Variants in ANXA3 observed in about 807,000 individuals in gnomAD.
ANXA3 encodes annexin A3.
Under a neutral mutation model 48.8 loss-of-function variants are expected in ANXA3, and 46 were observed. That is an observed-to-expected ratio of 0.94 (90% CI 0.74 to 1.21). The LOEUF (loss-of-function observed/expected upper bound fraction) is 1.21. ANXA3 is among the 50% of genes most tolerant of loss of function. The pLI, the probability that ANXA3 is intolerant of heterozygous loss-of-function variation, is 0.00. For missense variants in ANXA3, 383 were observed against 378.6 expected (o/e 1.01, Z -0.10); for synonymous variants, 128 against 134.7 (o/e 0.95, Z 0.35).
chr4:78,559,317 A>T (rs1030357112), intron 2 of ANXA3, among the ~76,000 whole-genome samples: 4 of 152,178 alleles, frequency 2.6e-5, no homozygotes, highest in African/African-American at 9.7e-5. Context: ...TCCTGAGCTC[A>T]GCTGATCCAC....
chr4:78,578,298 C>CGAGAGTGTGAGAGAGAGA (rs1451574068), intron 3 of ANXA3, among the ~76,000 whole-genome samples: 1 of 46,506 alleles, frequency 2.2e-5, no homozygotes, highest in Non-Finnish European at 4.2e-5. Context: ...AGAGAGAGAG[C>CGAGAGTGTGAGAGAGAGA]GAGAGAGAGA....
intron 1 of ANXA3, 56 bp from the exon 2 acceptor site, chr4:78,554,380 T>C (rs1237880879): frequency 1.3e-5 from 16 of 1,212,998 alleles, no homozygotes; most frequent in Non-Finnish European, 1.8e-5. Flanking sequence ...TGGACTAAGA[T>C]TATTGTGTTC....
intron 10 of ANXA3, among the ~76,000 whole-genome samples, chr4:78,598,633 A>G (rs2109947552): frequency 6.6e-6 from 1 of 151,986 alleles, no homozygotes; most frequent in South Asian, 2.1e-4. Context: ...TCCGCCTTCC[A>G]GGTTCAAGCA....
intron 2 of ANXA3, among the ~76,000 whole-genome samples, chr4:78,559,062 G>A (rs1722573134): frequency 6.6e-6 from 1 of 151,886 alleles, no homozygotes; most frequent in South Asian, 2.1e-4. Context: ...TTTTATTATG[G>A]TACTAGAATT....
At chr4:78,585,071 T>C (rs1362375643) in intron 5 of ANXA3, among the ~76,000 whole-genome samples, 5 of 152,216 alleles carry the variant, frequency 3.3e-5, no homozygotes, top group African/African-American at 9.6e-5. Context: ...ATGACCTCAG[T>C]GTGAACTTTG....
chr4:78,562,488 A>G (rs925023025), intron 2 of ANXA3, among the ~76,000 whole-genome samples: 2 of 152,240 alleles, frequency 1.3e-5, no homozygotes, highest in African/African-American at 4.8e-5. Flanking sequence ...AATTTTTACC[A>G]TATGGCATGG....
chr4:78,567,082 G>A (rs1722747105), intron 2 of ANXA3, among the ~76,000 whole-genome samples: 1 of 152,160 alleles, frequency 6.6e-6, no homozygotes, highest in Admixed American at 6.5e-5. Context: ...TCTTCCATAG[G>A]CACAGTGATC....
At chr4:78,584,262 T>C (rs1362476730) in intron 5 of ANXA3, among the ~76,000 whole-genome samples, 1 of 152,192 alleles carries the variant, frequency 6.6e-6, no homozygotes, top group Non-Finnish European at 1.5e-5. Flanking sequence ...CACTGCAGCC[T>C]CAACCTCCCT....
chr4:78,593,040 G>A lies in ANXA3; in HGVS notation c.483+1417G>A, dbSNP rs150525090. 4.0e-3 allele frequency among the ~76,000 whole-genome samples: 600 copies of A among 151,530 alleles called. 4 individuals are homozygous for A. Among genetic ancestry groups the A allele is most frequent in the African/African-American group, 0.014 (586 of 41,318 alleles). ...CACCTATAATTTGCCAAATAATTCA[G>A]GCAATCCCGTGTTTTGGTTTTGTCT... On this transcript the variant is annotated intron_variant, in intron 7 of 12. Transcript: ENST00000264908.
At chr4:78,561,148 GA>G (rs1722620403) in intron 2 of ANXA3, among the ~76,000 whole-genome samples, 2 of 152,204 alleles carry the variant, frequency 1.3e-5, no homozygotes, top group Admixed American at 6.5e-5. Context: ...CGCGGTGGTA[GA>G]AATGTTGGGA....
intron 3 of ANXA3, 136 bp from the exon 4 acceptor site, chr4:78,578,891 A>ATAAATAAT (rs57089840): frequency 8.3e-6 from 3 of 362,922 alleles, no homozygotes; most frequent in Admixed American, 4.6e-5. Flanking sequence ...AAATAAATAA[A>ATAAATAAT]ATTCCAACCA....
intron 5 of ANXA3, among the ~76,000 whole-genome samples, 160 bp from the exon 6 acceptor site, chr4:78,586,100 C>T (rs1273167656): frequency 6.6e-6 from 1 of 151,954 alleles, no homozygotes; most frequent in Non-Finnish European, 1.5e-5. Context: ...TATGTTATTA[C>T]TAAAATATAT....
intron 4 of ANXA3, among the ~76,000 whole-genome samples, chr4:78,581,655 T>C (rs1045865957): frequency 1.3e-5 from 2 of 152,208 alleles, no homozygotes; most frequent in Non-Finnish European, 2.9e-5. Flanking sequence ...ATTGCCACAC[T>C]TAGGGTTTTC....
At chr4:78,592,744 GTTA>G (rs1330165383) in intron 7 of ANXA3, among the ~76,000 whole-genome samples, 3 of 152,206 alleles carry the variant, frequency 2.0e-5, no homozygotes, top group Non-Finnish European at 4.4e-5. Context: ...CTCATAGGGT[GTTA>G]TGAAGATTAA....
Position 78,595,451 on chromosome 4 carries a change from C to A in ANXA3, c.540+14C>A. On this transcript the variant is annotated intron_variant, in intron 8 of 12. Transcript: ENST00000264908. ...CAAGATGCCCAGGTCAGTAACAAAG[C>A]GGGAAAACATTTCCTTTACCTATTC... 6.2e-7 allele frequency: 1 copy of A among 1,612,216 alleles called. No homozygotes were observed. The highest frequency in any genetic ancestry group is 8.5e-7 in the Non-Finnish European group (1 of 1,179,400).
At chr4:78,599,442 G>A (rs1054340509) in intron 10 of ANXA3, among the ~76,000 whole-genome samples, 1 of 152,204 alleles carries the variant, frequency 6.6e-6, no homozygotes. Context: ...TCTTAGAATC[G>A]TGTAATAGGA....
At chr4:78,560,994 T>C (rs1404134288) in intron 2 of ANXA3, among the ~76,000 whole-genome samples, 1 of 152,224 alleles carries the variant, frequency 6.6e-6, no homozygotes, top group Non-Finnish European at 1.5e-5. Context: ...CTATTTATGT[T>C]GATCAGAAGC....
chr4:78,583,718 G>C (rs1294632905), intron 5 of ANXA3, among the ~76,000 whole-genome samples: 1 of 152,124 alleles, frequency 6.6e-6, no homozygotes, highest in Admixed American at 6.5e-5. Context: ...TGTCAGGAAA[G>C]GCAGGCTGGA....
chr4:78,610,075 A>G lies in ANXA3; in HGVS notation c.932A>G (p.Tyr311Cys), dbSNP rs780813831. ...TTGCAGTCGGATACTTCTGGAGACT[A>G]TGAAATCACACTCTTAAAAATCTGT... is the stretch of plus-strand genomic sequence containing the variant. ...SAIKSDTSGD[Y>C]EITLLKICGG... is the part of the protein sequence containing the mutation. Residue 311 changes from tyrosine (Y) to cysteine (C), a missense_variant, in exon 13 of 13, where the codon TAT (tyrosine) becomes TGT (cysteine). Transcript: ENST00000264908. 1.2e-6 allele frequency: 2 copies of G among 1,611,310 alleles called. No individual in the cohort carries two copies. Among genetic ancestry groups the G allele is most frequent in the East Asian group, 2.2e-5 (1 of 44,776 alleles).
Sources: gnomAD v4.1 joint callset for allele counts (sites outside exome capture counted in the v4.1 genomes callset) on GRCh38, gnomAD v4.1.1 for gene constraint, MANE v1.5 for transcripts, NCBI Gene and HGNC (gene_info 2026-07-23, HGNC 2026-07-21) for gene names.